The following LRBA variants were observed in gnomAD, a reference collection of about 807,000 sequenced individuals.
LRBA encodes lipopolysaccharide-responsive and beige-like anchor protein.
LRBA carries 176 observed loss-of-function variants against 330.0 expected under a neutral mutation model. The observed-to-expected ratio is 0.53, with a 90% CI of 0.47 to 0.60. The LOEUF (loss-of-function observed/expected upper bound fraction) is 0.60. Among genes scored for constraint, LRBA ranks in the 20% least tolerant of loss-of-function variants. LRBA has a pLI of 0.00. For missense variants in LRBA, 3,259 were observed against 3,444.8 expected (o/e 0.95, Z 1.35); for synonymous variants, 1,230 against 1,193.0 (o/e 1.03, Z -0.64).
In LRBA at chr4:150,852,454, AAGG is replaced by A; in HGVS notation, c.3253_3255del (p.Pro1085del). 6.2e-7 allele frequency: 1 copy of A among 1,613,616 alleles called. No homozygotes were observed. Among genetic ancestry groups the A allele is most frequent in the Non-Finnish European group, 8.5e-7 (1 of 1,179,990 alleles). On this transcript the variant is annotated inframe_deletion, in exon 23 of 57. Coordinates refer to ENST00000651943, the MANE Select transcript of LRBA (RefSeq NM_001364905.1). ...GGCATCTCTGAGGCATCCTCTTCTG[AAGG>A]AGAACTTATAGAAGCAGTTACTTCA... is the stretch of plus-strand genomic sequence containing the variant.
intron 31 of LRBA, among the ~76,000 whole-genome samples, chr4:150,815,461 A>G (rs1744436401): frequency 6.6e-6 from 1 of 151,896 alleles, no homozygotes; most frequent in South Asian, 2.1e-4. Context: ...AGGGGAAACC[A>G]GCGAGGGAGA....
At chr4:150,276,836 A>G (rs1053897005) in intron 56 of LRBA, among the ~76,000 whole-genome samples, 1 of 152,226 alleles carries the variant, frequency 6.6e-6, no homozygotes, top group Non-Finnish European at 1.5e-5. Context: ...GGGAGTGTAA[A>G]TTAGTTCAAC....
At chr4:150,656,858 AT>A (rs1410335230) in intron 37 of LRBA, among the ~76,000 whole-genome samples, 1 of 152,248 alleles carries the variant, frequency 6.6e-6, no homozygotes, top group African/African-American at 2.4e-5. Context: ...AATGAGCATT[AT>A]TCATAAGGCA....
At chr4:150,929,531 T>G (rs911266545) in intron 2 of LRBA, among the ~76,000 whole-genome samples, 2 of 152,176 alleles carry the variant, frequency 1.3e-5, no homozygotes, top group African/African-American at 4.8e-5. Context: ...AAATTTTTGG[T>G]TTATTAAGCC....
At chr4:150,991,739 G>T (rs916515337) in intron 2 of LRBA, among the ~76,000 whole-genome samples, 1 of 151,232 alleles carries the variant, frequency 6.6e-6, no homozygotes, top group Non-Finnish European at 1.5e-5. Flanking sequence ...AAATGTGATG[G>T]TTGTTATATG....
intron 56 of LRBA, among the ~76,000 whole-genome samples, chr4:150,273,167 T>A (rs983901792): frequency 6.6e-6 from 1 of 152,140 alleles, no homozygotes; most frequent in Non-Finnish European, 1.5e-5. Flanking sequence ...CAACATTCTC[T>A]AAGAAAATAA....
intron 8 of LRBA, among the ~76,000 whole-genome samples, chr4:150,914,935 T>C (rs977885336): frequency 1.3e-5 from 2 of 152,068 alleles, no homozygotes; most frequent in African/African-American, 4.8e-5. Context: ...GGAGGAAAAA[T>C]GCTAAGGCCT....
intron 48 of LRBA, among the ~76,000 whole-genome samples, chr4:150,343,545 C>T (rs1299371650): frequency 6.6e-6 from 1 of 152,088 alleles, no homozygotes; most frequent in Non-Finnish European, 1.5e-5. Flanking sequence ...GTTTATCACT[C>T]CCTTCCTTCC....
chr4:150,307,689 T>C (rs1457669942), intron 52 of LRBA, among the ~76,000 whole-genome samples: 1 of 152,048 alleles, frequency 6.6e-6, no homozygotes, highest in East Asian at 1.9e-4. Context: ...GAGGTTGCAG[T>C]GAACTGTAAC....
At chr4:150,592,935 AT>A (rs1000342003) in intron 38 of LRBA, among the ~76,000 whole-genome samples, 17 of 148,640 alleles carry the variant, frequency 1.1e-4, no homozygotes, top group Admixed American at 2.7e-4. Context: ...CACCTGGCCT[AT>A]TTTTTTTTTA....
intron 46 of LRBA, among the ~76,000 whole-genome samples, chr4:150,427,577 CAGAA>C (rs1390429357): frequency 2.0e-5 from 3 of 151,786 alleles, no homozygotes; most frequent in Non-Finnish European, 4.4e-5. Context: ...TGGCAAAAAA[CAGAA>C]GGAAGGAGGG....
chr4:150,919,029 TTAAA>T (rs977094490), intron 5 of LRBA, among the ~76,000 whole-genome samples: 7 of 152,142 alleles, frequency 4.6e-5, no homozygotes, highest in Admixed American at 2.0e-4. Context: ...TGACAAATGA[TTAAA>T]TAAAGTATGG....
At chr4:150,991,492 G>A (rs1055336375) in intron 2 of LRBA, among the ~76,000 whole-genome samples, 1 of 152,150 alleles carries the variant, frequency 6.6e-6, no homozygotes, top group Admixed American at 6.5e-5. Flanking sequence ...AAAGAAACAA[G>A]CAACTTAATT....
intron 43 of LRBA, among the ~76,000 whole-genome samples, chr4:150,468,279 A>G (rs1755677993): frequency 6.6e-6 from 1 of 152,032 alleles, no homozygotes; most frequent in African/African-American, 2.4e-5. Context: ...CCAGTCATCT[A>G]TAAAATGAGG....
chr4:150,399,382 T>A (rs1452887699), intron 47 of LRBA, among the ~76,000 whole-genome samples: 1 of 152,194 alleles, frequency 6.6e-6, no homozygotes, highest in Non-Finnish European at 1.5e-5. Context: ...TCTGCTGTTG[T>A]CATAAAGCAT....
intron 13 of LRBA, among the ~76,000 whole-genome samples, chr4:150,905,317 G>A (rs2127152746): frequency 6.6e-6 from 1 of 151,894 alleles, no homozygotes; most frequent in Non-Finnish European, 1.5e-5. Flanking sequence ...CTATAAGAAT[G>A]AAACTCAGTA....
At chr4:150,471,462 G>A (rs1756122390) in intron 43 of LRBA, among the ~76,000 whole-genome samples, 162 bp downstream of exon 43, 1 of 152,112 alleles carries the variant, frequency 6.6e-6, no homozygotes, top group Non-Finnish European at 1.5e-5. Context: ...TGACTTCTAT[G>A]AGAGTAAGCA....
At chr4:150,823,555 GT>G (rs1195754859) in intron 30 of LRBA, among the ~76,000 whole-genome samples, 1 of 152,022 alleles carries the variant, frequency 6.6e-6, no homozygotes, top group Non-Finnish European at 1.5e-5. Flanking sequence ...GTCCTGGAGA[GT>G]TTTTCCAATG....
At chr4:150,487,248 AC>A (rs1757990069) in intron 42 of LRBA, among the ~76,000 whole-genome samples, 1 of 150,948 alleles carries the variant, frequency 6.6e-6, no homozygotes, top group African/African-American at 2.4e-5. Flanking sequence ...ACACACATAT[AC>A]CATTATGATA....
Sources: gnomAD v4.1 joint callset for allele counts (sites outside exome capture counted in the v4.1 genomes callset) on GRCh38, gnomAD v4.1.1 for gene constraint, MANE v1.5 for transcripts, NCBI Gene and HGNC (gene_info 2026-07-23, HGNC 2026-07-21) for gene names.